The following PBX4 variants were observed in gnomAD, a reference collection of about 807,000 sequenced individuals.
The protein encoded by PBX4 is PBX homeobox 4, also known as pre-B-cell leukemia transcription factor 4.
In PBX4, 26 loss-of-function variants were observed where a neutral mutation model predicts 35.1. The ratio of observed to expected loss-of-function variants is 0.74; its 90% confidence interval spans 0.54 to 1.03. The LOEUF (loss-of-function observed/expected upper bound fraction) is 1.03. Among genes scored for constraint, PBX4 ranks in the 50% least tolerant of loss-of-function variants. The pLI is 0.00. For missense variants in PBX4, 448 were observed against 504.3 expected, an observed-to-expected ratio of 0.89 and a Z score of 1.07; for synonymous variants, 199 against 204.2, an observed-to-expected ratio of 0.97 and a Z score of 0.22.
chr19:19,587,732 T>A (rs553143893), intron 2 of PBX4, among the ~76,000 whole-genome samples: 1 of 150,050 alleles, frequency 6.7e-6, no homozygotes, highest in East Asian at 2.0e-4. Context: ...AGTTTCACAG[T>A]CAACTACTCA....
chr19:19,612,664 G>T (rs1250830646), intron 1 of PBX4, among the ~76,000 whole-genome samples: 1 of 152,074 alleles, frequency 6.6e-6, no homozygotes, highest in Non-Finnish European at 1.5e-5. Context: ...TTAGGGCTTT[G>T]AGTTCATCTA....
chr19:19,613,302 C>A (rs2061672321), intron 1 of PBX4, among the ~76,000 whole-genome samples: 1 of 150,610 alleles, frequency 6.6e-6, no homozygotes, highest in Non-Finnish European at 1.5e-5. Flanking sequence ...CCCGTCTCTA[C>A]TAAAAAAATA....
At chr19:19,587,377 C>G (rs975901141) in intron 2 of PBX4, among the ~76,000 whole-genome samples, 3 of 151,820 alleles carry the variant, frequency 2.0e-5, no homozygotes, top group African/African-American at 7.3e-5. Flanking sequence ...CACCTGAGGT[C>G]GGGAGTTTGA....
chr19:19,611,542 A>C (rs2061662639), intron 1 of PBX4, among the ~76,000 whole-genome samples: 1 of 151,814 alleles, frequency 6.6e-6, no homozygotes, highest in Non-Finnish European at 1.5e-5. Flanking sequence ...AGCCTGGTGC[A>C]ATGGCAGGTG....
intron 1 of PBX4, among the ~76,000 whole-genome samples, chr19:19,613,324 C>T (rs571480321): frequency 3.6e-4 from 54 of 151,078 alleles, no homozygotes; most frequent in African/African-American, 1.3e-3. Flanking sequence ...CAAAATTAGC[C>T]GGGCGTGGTG....
intron 2 of PBX4, among the ~76,000 whole-genome samples, chr19:19,595,334 G>T (rs2061554723): frequency 6.6e-6 from 1 of 152,184 alleles, no homozygotes; most frequent in Non-Finnish European, 1.5e-5. Flanking sequence ...GTGTCCTTCT[G>T]AGCGGCTTCC....
At chr19:19,613,473 A>AAAAG (rs1485378512) in intron 1 of PBX4, among the ~76,000 whole-genome samples, 4 of 143,382 alleles carry the variant, frequency 2.8e-5, no homozygotes, top group Non-Finnish European at 3.1e-5. Flanking sequence ...AAAAAAAAAA[A>AAAAG]GTAACTGGCT....
chr19:19,573,445 G>A (rs2061399679), intron 2 of PBX4, among the ~76,000 whole-genome samples: 1 of 151,690 alleles, frequency 6.6e-6, no homozygotes. Flanking sequence ...TATGAGAAAA[G>A]TGGGAAGATT....
In PBX4 at chr19:19,606,483, A is replaced by T. The variant is rs145374472; in HGVS notation, c.120-7118T>A. 7.9e-5 allele frequency: 12 copies of T among 152,392 alleles called. No homozygotes were observed. The East Asian group carries it at 2.3e-3, about 29-fold the overall frequency. 9.4% of individuals were successfully genotyped at this position (152,392 alleles called of 1,614,324 possible). On this transcript the variant is annotated intron_variant, in intron 1 of 7. Coordinates refer to ENST00000251203, the MANE Select transcript of PBX4 (RefSeq NM_025245.3). The stretch of plus-strand genomic sequence containing the variant: ...CTTGACTGCAGCCCTGTGAGACCCT[A>T]AGCAGAGGACCTAGCTAAGCTGTGC...
At chr19:19,573,330 T>TATAC (rs1344345485) in intron 2 of PBX4, among the ~76,000 whole-genome samples, 254 of 133,372 alleles carry the variant, frequency 1.9e-3, no homozygotes, top group South Asian at 0.016. Context: ...AAAAAAAATA[T>TATAC]ACACACACAC....
intron 1 of PBX4, among the ~76,000 whole-genome samples, chr19:19,604,466 C>CAAAAAAAAAG (rs1555740204): frequency 1.4e-5 from 1 of 72,102 alleles, no homozygotes; most frequent in African/African-American, 6.5e-5. Flanking sequence ...GATTCCATCT[C>CAAAAAAAAAG]AAAAAAAAAA....
intron 2 of PBX4, among the ~76,000 whole-genome samples, chr19:19,571,685 T>C (rs1175257236): frequency 6.6e-6 from 1 of 152,024 alleles, no homozygotes; most frequent in Non-Finnish European, 1.5e-5. Flanking sequence ...GGCATCGCAT[T>C]CTCCCAAGTA....
At chr19:19,571,053 G>A (rs561326718) in intron 2 of PBX4, among the ~76,000 whole-genome samples, 7 of 152,354 alleles carry the variant, frequency 4.6e-5, no homozygotes, top group African/African-American at 1.2e-4. Context: ...GGGGAGGAAC[G>A]GGGAGACACA....
intron 2 of PBX4, among the ~76,000 whole-genome samples, chr19:19,576,122 GCTTATAT>G (rs1219743384): frequency 1.3e-5 from 2 of 152,174 alleles, no homozygotes; most frequent in African/African-American, 4.8e-5. Flanking sequence ...GGGCGAGGTG[GCTTATAT>G]CTATAATCCC....
chr19:19,570,167 A>G lies in PBX4; in HGVS notation c.574T>C (p.Leu192=), dbSNP rs1248098876. The G allele has an allele frequency of 3.7e-6, 6 of 1,613,796 alleles. No homozygotes were observed. Among genetic ancestry groups the G allele is most frequent in the African/African-American group, 2.7e-5 (2 of 74,944 alleles). The change falls in exon 4 of 8, where the codon TTG becomes CTG. Residue 192 remains leucine, a synonymous_variant. Transcript: ENST00000251203. ...ACTGCCTCACAGGTGCTCTGCTTCA[A>G]CTGCATCTGGATGGCGCTGAACTTG... The part of the protein sequence containing the change: ...HGKFSAIQMQ[L]KQSTCEAVMT...
chr19:19,563,585 G>A lies in PBX4; in HGVS notation c.956C>T (p.Ala319Val). ...GSSGPFPLPS[A>V]GDAFLTLRTL... Reference sequence around the variant, plus strand: ...CCGCAGGGTGAGGAAGGCGTCCCCAGCGCTGGGCAGCGGGAAGGGTCCAGA... The same window carrying A: ...CCGCAGGGTGAGGAAGGCGTCCCCAACGCTGGGCAGCGGGAAGGGTCCAGA... Residue 319 changes from alanine to valine, a missense_variant, in exon 7 of 8, where the codon GCT becomes GTT. Transcript: ENST00000251203. The surrounding 1 kb of genome is among the most constrained non-coding windows in gnomAD (Gnocchi z 5.1). The A allele has an allele frequency of 1.3e-6, 2 of 1,550,176 alleles. No homozygotes were observed. Among genetic ancestry groups the A allele is most frequent in the Non-Finnish European group, 1.7e-6 (2 of 1,147,082 alleles).
chr19:19,614,779 T>A (rs2061679879), intron 1 of PBX4, among the ~76,000 whole-genome samples: 1 of 150,910 alleles, frequency 6.6e-6, no homozygotes, highest in Non-Finnish European at 1.5e-5. Context: ...ATGTTTGAAA[T>A]CCTCGACCTT....
intron 2 of PBX4, among the ~76,000 whole-genome samples, chr19:19,578,187 C>CAAA (rs34045847): frequency 5.0e-5 from 4 of 80,422 alleles, no homozygotes; most frequent in East Asian, 3.0e-4. Context: ...GACTCCATCT[C>CAAA]AAAAAAAAAA....
At chr19:19,618,080 G>A (rs1292337811) in intron 1 of PBX4, among the ~76,000 whole-genome samples, 1 of 152,096 alleles carries the variant, frequency 6.6e-6, no homozygotes, top group Non-Finnish European at 1.5e-5. Context: ...AGAATCAACT[G>A]AGCCGGGGAG....
Sources: allele counts gnomAD v4.1 joint callset (sites outside exome capture counted in the v4.1 genomes callset), GRCh38; gene constraint gnomAD v4.1.1; non-coding constraint Gnocchi (gnomAD v3.1); transcripts MANE v1.5; gene names NCBI Gene and HGNC (gene_info 2026-07-23, HGNC 2026-07-21).